The following JAKMIP1 variants were observed in gnomAD, a reference collection of about 807,000 sequenced individuals.
JAKMIP1 encodes janus kinase and microtubule interacting protein 1, also known as janus kinase and microtubule-interacting protein 1.
JAKMIP1 carries 33 observed loss-of-function variants against 113.0 expected under a neutral mutation model. The ratio of observed to expected loss-of-function variants is 0.29; its 90% CI spans 0.22 to 0.39. The LOEUF is 0.39. Ranked by LOEUF, JAKMIP1 falls within the 10% of genes least tolerant of loss-of-function variation. The pLI, the probability that JAKMIP1 is intolerant of heterozygous loss-of-function variation, is 1.00. For missense variants in JAKMIP1, 813 were observed against 1,080.5 expected (o/e 0.75, Z 3.47); for synonymous variants, 480 against 459.9 (o/e 1.04, Z -0.56).
chr4:6,149,927 G>A (rs1305071694), intron 1 of JAKMIP1, among the ~76,000 whole-genome samples: 2 of 152,078 alleles, frequency 1.3e-5, no homozygotes, highest in Non-Finnish European at 2.9e-5. Context: ...CCCTCCAGCT[G>A]GGCTTCTCCT....
intron 3 of JAKMIP1, among the ~76,000 whole-genome samples, chr4:6,103,662 C>G (rs913539106): frequency 2.0e-5 from 3 of 152,178 alleles, no homozygotes; most frequent in Non-Finnish European, 4.4e-5. Flanking sequence ...TTATTCATTA[C>G]AGATTTAATT....
At chr4:6,175,501 G>A (rs1041276539) in intron 1 of JAKMIP1, among the ~76,000 whole-genome samples, 3 of 152,210 alleles carry the variant, frequency 2.0e-5, no homozygotes, top group Non-Finnish European at 2.9e-5. Context: ...CAATACTGAC[G>A]AGAAGTCAGC....
chr4:6,080,146 A>G lies in JAKMIP1; in HGVS notation c.1242+26T>C. On this transcript the variant is annotated intron_variant, in intron 7 of 20. Coordinates refer to ENST00000409021, the MANE Select transcript of JAKMIP1 (RefSeq NM_001099433.2). This position sits in a 1 kb window ranked among gnomAD's most constrained non-coding sequence, Gnocchi z 6.0. ...AGCTGGTGCCACCCCTGCCAGGGGCAGCCGCGCCAGCTGTGCTAGATGTAC... is the reference window on the plus strand; with the variant it reads ...AGCTGGTGCCACCCCTGCCAGGGGCGGCCGCGCCAGCTGTGCTAGATGTAC... 1 of 1,563,292 alleles carries G rather than the reference A, an allele frequency of 6.4e-7. No individual in the cohort carries two copies.
chr4:6,166,111 C>A (rs1482366918), intron 1 of JAKMIP1, among the ~76,000 whole-genome samples: 2 of 152,224 alleles, frequency 1.3e-5, no homozygotes, highest in Admixed American at 6.5e-5. Context: ...ATGAGCTCCT[C>A]CTCTGAAAGT....
chr4:6,156,944 G>A lies in JAKMIP1; in HGVS notation c.-148+43309C>T, dbSNP rs756100112. ...GTTCCATGGCTAGTGGTTTGAATGC[G>A]TCCCTCAAAGTTCACTGTTAATCCC... On this transcript the variant is annotated intron_variant, in intron 1 of 20. Transcript: ENST00000409021. This position sits in a 1 kb window ranked among gnomAD's most constrained non-coding sequence, Gnocchi z 5.0. Among the ~76,000 whole-genome samples the A allele has an allele frequency of 3.3e-5, 5 of 152,170 alleles. No individual in the cohort carries two copies. Among genetic ancestry groups the A allele is most frequent in the South Asian group, 2.1e-4 (1 of 4,832 alleles).
intron 11 of JAKMIP1, among the ~76,000 whole-genome samples, chr4:6,058,930 G>A (rs117353023): frequency 4.6e-5 from 7 of 152,156 alleles, no homozygotes; most frequent in East Asian, 1.9e-4. Context: ...TTATCATCTC[G>A]CACCTGGATT....
At chr4:6,074,943 A>G (rs894845138) in intron 8 of JAKMIP1, among the ~76,000 whole-genome samples, 1 of 152,258 alleles carries the variant, frequency 6.6e-6, no homozygotes, top group African/African-American at 2.4e-5. Flanking sequence ...AGGCTAGACC[A>G]TCTGGGTTTG....
intron 8 of JAKMIP1, among the ~76,000 whole-genome samples, chr4:6,073,515 T>C (rs558419280): frequency 1.3e-5 from 2 of 152,300 alleles, no homozygotes; most frequent in Admixed American, 6.5e-5. Flanking sequence ...CACCTCACTA[T>C]TATAAATTAG....
At position 6,167,908 on chromosome 4, in the gene JAKMIP1, G is replaced by C. The variant is rs753843460; in HGVS notation, c.-148+32345C>G. On this transcript the variant is annotated intron_variant, in intron 1 of 20. Coordinates refer to ENST00000409021, the MANE Select transcript of JAKMIP1 (RefSeq NM_001099433.2). This position sits in a 1 kb window ranked among gnomAD's most constrained non-coding sequence, Gnocchi z 5.3. Reference sequence around the variant, plus strand: ...AGGACCAGTCAGGCTGACTGCGCCAGATCGCTGCACCAGTGAGACTTTGTC... The same window carrying C: ...AGGACCAGTCAGGCTGACTGCGCCACATCGCTGCACCAGTGAGACTTTGTC... 1.3e-5 allele frequency among the ~76,000 whole-genome samples: 2 copies of C among 152,244 alleles called. No individual in the cohort carries two copies. Among genetic ancestry groups the C allele is most frequent in the Non-Finnish European group, 2.9e-5 (2 of 68,040 alleles).
At chr4:6,078,794 G>T in intron 8 of JAKMIP1, 145 bp downstream of exon 8, 1 of 695,762 alleles carries the variant, frequency 1.4e-6, no homozygotes, top group Non-Finnish European at 2.5e-6. Context: ...AGACGGTGAT[G>T]ACAGGCTTTT....
At chr4:6,120,296 A>C (rs1429538683) in intron 1 of JAKMIP1, among the ~76,000 whole-genome samples, 1 of 152,056 alleles carries the variant, frequency 6.6e-6, no homozygotes, top group African/African-American at 2.4e-5. Context: ...GATTGTACTG[A>C]CTTAAAAAGC....
rs1003734315 is a variant in JAKMIP1, at chr4:6,061,417, C to T, written c.1560+895G>A. ...GGAACAAACTCCACGTGGGCGTGGC[C>T]TCTCCTCTCTGCCTTTGCCATCAGA... On this transcript the variant is annotated intron_variant, in intron 10 of 20. Coordinates refer to ENST00000409021, the MANE Select transcript of JAKMIP1 (RefSeq NM_001099433.2). This position sits in a 1 kb window ranked among gnomAD's most constrained non-coding sequence, Gnocchi z 5.3. Among the ~76,000 whole-genome samples, 5 of 152,188 alleles carry T rather than the reference C, an allele frequency of 3.3e-5. No individual in the cohort carries two copies. Among genetic ancestry groups the T allele is most frequent in the Middle Eastern group, 3.2e-3 (1 of 316 alleles).
chr4:6,134,953 T>C (rs1719018151), intron 1 of JAKMIP1, among the ~76,000 whole-genome samples: 1 of 152,156 alleles, frequency 6.6e-6, no homozygotes. Context: ...AAGAGAAGTG[T>C]CTTCTAGCTG....
intron 20 of JAKMIP1, among the ~76,000 whole-genome samples, chr4:6,027,742 A>G (rs1712052740): frequency 6.6e-6 from 1 of 152,230 alleles, no homozygotes; most frequent in Non-Finnish European, 1.5e-5. Flanking sequence ...AGCCAGAAAG[A>G]CGATTCCAAC....
In JAKMIP1 at chr4:6,042,618, C is replaced by G. The variant is rs1186540997; in HGVS notation, c.2029-391G>C. 6.6e-6 allele frequency among the ~76,000 whole-genome samples: 1 copy of G among 151,992 alleles called. No homozygotes were observed. The highest frequency in any genetic ancestry group is 2.0e-4 in the East Asian group (1 of 5,122). On this transcript the variant is annotated intron_variant, in intron 16 of 20. Transcript: ENST00000409021. The surrounding 1 kb of genome is among the most constrained non-coding windows in gnomAD (Gnocchi z 5.2). The stretch of plus-strand genomic sequence containing the variant: ...CTGACTCTCTTACGACCACCCCAAG[C>G]AGTAGGCAGCGTCACCCCTATTTTG...
intron 1 of JAKMIP1, among the ~76,000 whole-genome samples, chr4:6,164,232 C>T (rs180781100): frequency 2.6e-5 from 4 of 152,312 alleles, no homozygotes; most frequent in East Asian, 3.9e-4. Context: ...GAGCTGATGA[C>T]GTGCCAAAGT....
rs1367618952 is a variant in JAKMIP1, at chr4:6,049,329, C to A, written c.1963-407G>T. Among the ~76,000 whole-genome samples the A allele has an allele frequency of 6.6e-6, 1 of 152,218 alleles. No individual in the cohort carries two copies. The highest frequency in any genetic ancestry group is 1.5e-5 in the Non-Finnish European group (1 of 68,040). On this transcript the variant is annotated intron_variant, in intron 15 of 20. Transcript: ENST00000409021. The surrounding 1 kb of genome is among the most constrained non-coding windows in gnomAD (Gnocchi z 7.0). Reference sequence around the variant, plus strand: ...GGGATTACAGGCGTGAGCCACCATGCCCCGCCAACACCAAGCGACTTTCCT... The same window carrying A: ...GGGATTACAGGCGTGAGCCACCATGACCCGCCAACACCAAGCGACTTTCCT...
At chr4:6,026,515 T>A (rs1193961221) in intron 20 of JAKMIP1, among the ~76,000 whole-genome samples, 1 of 152,108 alleles carries the variant, frequency 6.6e-6, no homozygotes, top group Non-Finnish European at 1.5e-5. Context: ...TCTCCAAACA[T>A]GCAGCTAACT....
Position 6,140,284 on chromosome 4 carries a change from C to T in JAKMIP1, c.-147-27287G>A, listed in dbSNP as rs1267517476. ...TTTTTTTTCTGTGGGGAGGGACTTTCACCAACATTTGTGTGATACACATCT... is the reference window on the plus strand; with the variant it reads ...TTTTTTTTCTGTGGGGAGGGACTTTTACCAACATTTGTGTGATACACATCT... On this transcript the variant is annotated intron_variant, in intron 1 of 20. Coordinates refer to ENST00000409021, the MANE Select transcript of JAKMIP1 (RefSeq NM_001099433.2). This position sits in a 1 kb window ranked among gnomAD's most constrained non-coding sequence, Gnocchi z 9.4. Among the ~76,000 whole-genome samples the T allele has an allele frequency of 4.1e-5, 6 of 146,336 alleles. No individual in the cohort carries two copies. The highest frequency in any genetic ancestry group is 9.0e-5 in the Non-Finnish European group (6 of 67,036).
Sources: gnomAD v4.1 joint callset for allele counts (sites outside exome capture counted in the v4.1 genomes callset) on GRCh38, gnomAD v4.1.1 for gene constraint, Gnocchi (gnomAD v3.1) non-coding constraint, MANE v1.5 for transcripts, NCBI Gene and HGNC (gene_info 2026-07-23, HGNC 2026-07-21) for gene names.